GPC5: variants seen among roughly 807,000 people sequenced by gnomAD.
GPC5 encodes the protein glypican 5, also known as glypican-5.
GPC5 carries 47 observed loss-of-function variants against 53.9 expected under a neutral mutation model. The ratio of observed to expected loss-of-function variants is 0.87; its 90% CI spans 0.69 to 1.11. The LOEUF (loss-of-function observed/expected upper bound fraction) is 1.11. Among genes scored for constraint, GPC5 ranks in the 50% most tolerant of loss-of-function variants. The pLI, the probability that GPC5 is intolerant of heterozygous loss-of-function variation, is 0.00. For missense variants in GPC5, 748 were observed against 713.1 expected (o/e 1.05, Z -0.56); for synonymous variants, 286 against 263.3 (o/e 1.09, Z -0.84).
At chr13:92,053,398 CAA>C (rs2041046774) in intron 6 of GPC5, among the ~76,000 whole-genome samples, 1 of 152,170 alleles carries the variant, frequency 6.6e-6, no homozygotes, top group African/African-American at 2.4e-5. Flanking sequence ...GGTCTGAGCA[CAA>C]ACGTTTGGGC....
intron 7 of GPC5, among the ~76,000 whole-genome samples, chr13:92,474,954 T>C (rs1474212366): frequency 6.6e-6 from 1 of 152,142 alleles, no homozygotes; most frequent in African/African-American, 2.4e-5. Flanking sequence ...GATCAAGTCT[T>C]GTCACAAAAT....
chr13:91,877,373 G>A (rs983858985), intron 5 of GPC5, among the ~76,000 whole-genome samples: 2 of 152,212 alleles, frequency 1.3e-5, no homozygotes, highest in African/African-American at 2.4e-5. Context: ...GCTGTACCCT[G>A]TAAAGCCACA....
intron 7 of GPC5, among the ~76,000 whole-genome samples, chr13:92,397,808 T>C (rs570533581): frequency 6.6e-6 from 1 of 152,310 alleles, no homozygotes; most frequent in East Asian, 1.9e-4. Flanking sequence ...CCTAAGAATA[T>C]TTCTCACCTA....
At chr13:92,266,505 C>T (rs866557938) in intron 7 of GPC5, among the ~76,000 whole-genome samples, 12 of 152,172 alleles carry the variant, frequency 7.9e-5, no homozygotes, top group Middle Eastern at 6.8e-3. Flanking sequence ...AAACAGAAAA[C>T]ATCGGAGAAT....
intron 2 of GPC5, among the ~76,000 whole-genome samples, chr13:91,526,736 G>C (rs530048668): frequency 6.6e-6 from 1 of 152,218 alleles, no homozygotes; most frequent in South Asian, 2.1e-4. Flanking sequence ...CCTGAGACTG[G>C]GTAATTTATG....
chr13:92,649,324 C>A (rs1336680686), intron 7 of GPC5, among the ~76,000 whole-genome samples: 2 of 152,080 alleles, frequency 1.3e-5, no homozygotes, highest in Non-Finnish European at 1.5e-5. Flanking sequence ...TAATTTGATT[C>A]TTGCCAATAA....
intron 7 of GPC5, among the ~76,000 whole-genome samples, chr13:92,627,702 T>C (rs138102025): frequency 8.1e-4 from 124 of 152,370 alleles, no homozygotes; most frequent in Middle Eastern, 3.4e-3. Flanking sequence ...CAACAAATTA[T>C]ACTAAATCCA....
rs369445442 is a variant in GPC5, at chr13:92,083,973, G to T, written c.1402-60857G>T. On this transcript the variant is annotated intron_variant, in intron 6 of 7. Transcript: ENST00000377067. Reference sequence around the variant, plus strand: ...AGGAATGAGATCATGTCCTTTGCAGGGACATGGATGGAGCTGGAAGCCATT... The same window carrying T: ...AGGAATGAGATCATGTCCTTTGCAGTGACATGGATGGAGCTGGAAGCCATT... 2.0e-5 allele frequency among the ~76,000 whole-genome samples: 3 copies of T among 152,278 alleles called. No homozygotes were observed. The South Asian group carries it at 6.2e-4, about 32-fold the overall frequency.
intron 2 of GPC5, among the ~76,000 whole-genome samples, chr13:91,537,351 A>T (rs991859618): frequency 3.3e-5 from 5 of 152,190 alleles, no homozygotes; most frequent in African/African-American, 1.2e-4. Flanking sequence ...GAAAGAAAGG[A>T]CTTAACTACT....
At chr13:92,122,041 C>A (rs1162642477) in intron 6 of GPC5, among the ~76,000 whole-genome samples, 1 of 152,158 alleles carries the variant, frequency 6.6e-6, no homozygotes, top group Non-Finnish European at 1.5e-5. Flanking sequence ...ACAGACTCTG[C>A]CATTCATCCA....
At chr13:91,679,556 A>G (rs958109195) in intron 2 of GPC5, among the ~76,000 whole-genome samples, 6 of 152,216 alleles carry the variant, frequency 3.9e-5, no homozygotes. Context: ...CTGTGAAGTC[A>G]TGGTTTACAT....
At chr13:92,521,471 C>T (rs535757129) in intron 7 of GPC5, among the ~76,000 whole-genome samples, 8 of 152,222 alleles carry the variant, frequency 5.3e-5, no homozygotes, top group African/African-American at 1.9e-4. Flanking sequence ...GAGATAATAC[C>T]ACACATCTAC....
At chr13:91,878,468 T>A (rs747774225) in intron 5 of GPC5, among the ~76,000 whole-genome samples, 3 of 152,170 alleles carry the variant, frequency 2.0e-5, no homozygotes, top group Non-Finnish European at 2.9e-5. Flanking sequence ...TTAGAACATA[T>A]TACAATTATT....
intron 7 of GPC5, among the ~76,000 whole-genome samples, chr13:92,334,255 C>G (rs9584020): frequency 6.6e-6 from 1 of 152,058 alleles, no homozygotes; most frequent in Admixed American, 6.5e-5. Flanking sequence ...AAAGGCATGT[C>G]TTACATGGCA....
intron 7 of GPC5, among the ~76,000 whole-genome samples, chr13:92,426,536 A>T (rs1377925655): frequency 6.6e-6 from 1 of 152,136 alleles, no homozygotes; most frequent in Admixed American, 6.6e-5. Context: ...CAAGGATAAG[A>T]CTTATGATGC....
chr13:92,581,618 T>G (rs1177155039), intron 7 of GPC5, among the ~76,000 whole-genome samples: 2 of 152,172 alleles, frequency 1.3e-5, no homozygotes, highest in African/African-American at 2.4e-5. Context: ...ATGTTCTATT[T>G]TTAATTTTTG....
intron 1 of GPC5, among the ~76,000 whole-genome samples, chr13:91,444,134 T>C (rs1308570208): frequency 1.3e-5 from 2 of 152,162 alleles, no homozygotes; most frequent in African/African-American, 4.8e-5. Context: ...TTTCATTTTC[T>C]GTTTCTCTTA....
intron 7 of GPC5, among the ~76,000 whole-genome samples, chr13:92,430,157 C>T (rs1877022321): frequency 6.6e-6 from 1 of 151,734 alleles, no homozygotes; most frequent in Non-Finnish European, 1.5e-5. Context: ...TTATATAGCT[C>T]CCTGAGAGGA....
chr13:91,572,797 T>A (rs1300507975), intron 2 of GPC5, among the ~76,000 whole-genome samples: 1 of 152,092 alleles, frequency 6.6e-6, no homozygotes, highest in Non-Finnish European at 1.5e-5. Flanking sequence ...AGTCATAACC[T>A]TATACCAGCA....
Sources: allele counts gnomAD v4.1 joint callset (sites outside exome capture counted in the v4.1 genomes callset), GRCh38; gene constraint gnomAD v4.1.1; transcripts MANE v1.5; gene names NCBI Gene and HGNC (gene_info 2026-07-23, HGNC 2026-07-21).